The following PLCG2 variants were observed in gnomAD, a reference collection of about 807,000 sequenced individuals.
PLCG2 encodes the protein phospholipase C gamma 2.
PLCG2 carries 69 observed loss-of-function variants against 175.6 expected under a neutral mutation model. That is an observed-to-expected ratio of 0.39 (90% CI 0.32 to 0.48). The LOEUF (loss-of-function observed/expected upper bound fraction) is 0.48, where lower values mean the gene tolerates loss of function less well. PLCG2 is among the 20% of genes least tolerant of loss of function. The pLI, the probability that PLCG2 is intolerant of heterozygous loss-of-function variation, is 0.91. For missense variants in PLCG2, 1,798 were observed against 1,650.9 expected (o/e 1.09, Z -1.54); for synonymous variants, 827 against 624.0 (o/e 1.33, Z -4.85).
At position 81,889,174 on chromosome 16, in the gene PLCG2, G is replaced by T. The variant is rs745516901; in HGVS notation, c.768G>T (p.Glu256Asp). The change falls in exon 10 of 33, where the codon GAG (glutamate) becomes GAT (aspartate). Residue 256 changes from glutamate to aspartate, a missense_variant and splice_region_variant. Physicochemically the swap from Glu to Asp is conservative, Grantham distance 45. Coordinates refer to ENST00000564138, the MANE Select transcript of PLCG2 (RefSeq NM_002661.5). ...FQRFLIHEQQ[E>D]HWAQDLNKVR... The stretch of plus-strand genomic sequence containing the variant: ...CTCGTTCTCTTTGTCATTTTAAGGA[G>T]CATTGGGCTCAGGATCTGAACAAAG... 7 of 1,577,676 alleles carry T rather than the reference G, an allele frequency of 4.4e-6. No individual in the cohort carries two copies. The African/African-American group carries it at 8.1e-5, about 18-fold the overall frequency.
intron 14 of PLCG2, among the ~76,000 whole-genome samples, chr16:81,903,494 G>A (rs1430856966): frequency 6.6e-6 from 1 of 152,230 alleles, no homozygotes; most frequent in Non-Finnish European, 1.5e-5. Context: ...AGCTGTCATT[G>A]TCTTAGTCTT....
intron 31 of PLCG2, among the ~76,000 whole-genome samples, chr16:81,948,937 C>G (rs1911260735): frequency 6.6e-6 from 1 of 152,174 alleles, no homozygotes; most frequent in African/African-American, 2.4e-5. Context: ...ATGATGAGAA[C>G]TGTAACACAT....
At chr16:81,769,223 C>T (rs1460362214) in intron 2 of PLCG2, among the ~76,000 whole-genome samples, 2 of 152,182 alleles carry the variant, frequency 1.3e-5, no homozygotes, top group Non-Finnish European at 2.9e-5. Flanking sequence ...CAGGTAAAAC[C>T]CCCTTACCAT....
At chr16:81,929,644 C>T (rs539737122) in intron 24 of PLCG2, among the ~76,000 whole-genome samples, 1 of 152,240 alleles carries the variant, frequency 6.6e-6, no homozygotes, top group Non-Finnish European at 1.5e-5. Context: ...GATCTGCCTG[C>T]CTTAGCCTCC....
intron 2 of PLCG2, among the ~76,000 whole-genome samples, chr16:81,816,919 C>T (rs1032354436): frequency 6.6e-6 from 1 of 152,124 alleles, no homozygotes; most frequent in Non-Finnish European, 1.5e-5. Context: ...CCGGTTCTGC[C>T]TCTTTCTAGC....
At chr16:81,849,957 A>T (rs1036484427) in intron 2 of PLCG2, among the ~76,000 whole-genome samples, 2 of 152,228 alleles carry the variant, frequency 1.3e-5, no homozygotes, top group African/African-American at 4.8e-5. Context: ...ATACCTTTCA[A>T]GTTTTTAGAT....
chr16:81,942,989 C>A (rs1026134466), intron 30 of PLCG2, among the ~76,000 whole-genome samples: 1 of 151,870 alleles, frequency 6.6e-6, no homozygotes, highest in African/African-American at 2.4e-5. Context: ...AGAGAAGGTA[C>A]ATAGAGCTGG....
At chr16:81,935,808 T>G in intron 26 of PLCG2, 1 of 985,392 alleles carries the variant, frequency 1.0e-6, no homozygotes, top group South Asian at 4.7e-5. Flanking sequence ...TCTCTCTGGA[T>G]CTTCCCCTCC....
chr16:81,750,514 A>G (rs1909787600), intron 1 of PLCG2, among the ~76,000 whole-genome samples: 1 of 151,794 alleles, frequency 6.6e-6, no homozygotes, highest in Non-Finnish European at 1.5e-5. Context: ...AGATGTCTGC[A>G]CTGTCAGGTT....
chr16:81,842,402 T>A (rs1291803017), intron 2 of PLCG2, among the ~76,000 whole-genome samples: 1 of 152,140 alleles, frequency 6.6e-6, no homozygotes, highest in African/African-American at 2.4e-5. Flanking sequence ...CTCGGAGCCG[T>A]CTGAGGGCAG....
chr16:81,947,111 C>G (rs908217833), intron 31 of PLCG2, among the ~76,000 whole-genome samples: 2 of 152,162 alleles, frequency 1.3e-5, no homozygotes, highest in African/African-American at 4.8e-5. Context: ...CTCTGCAAGG[C>G]TGTTGTAAAC....
At chr16:81,859,325 A>C in intron 5 of PLCG2, 162 bp downstream of exon 5, 1 of 571,470 alleles carries the variant, frequency 1.7e-6, no homozygotes, top group Non-Finnish European at 3.2e-6. Context: ...TGAGGATGAC[A>C]AAATCCTCCT....
rs760979009 is a variant in PLCG2, at chr16:81,923,606, T to G, written c.2417+12T>G. 1.3e-6 allele frequency: 2 copies of G among 1,536,866 alleles called. No individual in the cohort carries two copies. The highest frequency in any genetic ancestry group is 2.2e-5 in the South Asian group (2 of 89,304). ...GAGCCCGGGGGCTGGTAAGGCTGAG[T>G]GGAGGCTGGGCTGCTCGGCAGGTGG... On this transcript the variant is annotated intron_variant, in intron 22 of 32. Transcript: ENST00000564138.
intron 2 of PLCG2, 74 bp from the exon 3 acceptor site, chr16:81,854,370 C>T: frequency 7.3e-7 from 1 of 1,372,956 alleles, no homozygotes; most frequent in East Asian, 2.3e-5. Context: ...TGTGCCTGGG[C>T]TGCAGTTGTG....
chr16:81,886,268 G>A (rs998668620), intron 9 of PLCG2, among the ~76,000 whole-genome samples: 5 of 152,212 alleles, frequency 3.3e-5, no homozygotes, highest in African/African-American at 1.2e-4. Context: ...GGGATCTGGG[G>A]CCAGGAGAAA....
chr16:81,942,716 T>A (rs771408940), intron 30 of PLCG2, among the ~76,000 whole-genome samples: 12 of 152,180 alleles, frequency 7.9e-5, no homozygotes, highest in Non-Finnish European at 1.5e-4. Flanking sequence ...TGACTTAACT[T>A]GCTCAAGGTC....
Position 81,910,565 on chromosome 16 carries a change from G to A in PLCG2, c.1779G>A (p.Glu593=), listed in dbSNP as rs1909574978. Residue 593 remains glutamate, a synonymous_variant, in exon 18 of 33, where the codon GAG becomes GAA. Coordinates refer to ENST00000564138, the MANE Select transcript of PLCG2 (RefSeq NM_002661.5). ...ACTGCCGGATCCGCTCCACCATGGA[G>A]GGCGGGACCCTGAAATACTACTTGA... The part of the protein sequence containing the change: ...VQHCRIRSTM[E]GGTLKYYLTD... 6.2e-7 allele frequency: 1 copy of A among 1,614,160 alleles called. No individual in the cohort carries two copies. The highest frequency in any genetic ancestry group is 8.5e-7 in the Non-Finnish European group (1 of 1,180,008).
chr16:81,771,295 A>C (rs186636271), intron 2 of PLCG2, among the ~76,000 whole-genome samples: 256 of 152,264 alleles, frequency 1.7e-3, no homozygotes, highest in African/African-American at 5.8e-3. Flanking sequence ...TGGTGTTGTC[A>C]CAGCTCACTG....
chr16:81,755,645 C>T (rs139638720), intron 1 of PLCG2, among the ~76,000 whole-genome samples: 6 of 152,180 alleles, frequency 3.9e-5, no homozygotes, highest in East Asian at 3.9e-4. Flanking sequence ...CGTCCCTCAG[C>T]GTCCCGAGTA....
Sources: allele counts gnomAD v4.1 joint callset (sites outside exome capture counted in the v4.1 genomes callset), GRCh38; gene constraint gnomAD v4.1.1; transcripts MANE v1.5; gene names NCBI Gene and HGNC (gene_info 2026-07-23, HGNC 2026-07-21).